Variants in KLF15 observed in about 807,000 individuals in gnomAD.
KLF15 encodes the protein KLF transcription factor 15.
Under a neutral mutation model 24.6 loss-of-function variants are expected in KLF15, and 4 were observed. The ratio of observed to expected loss-of-function variants is 0.16; its 90% CI spans 0.08 to 0.37. KLF15 has a LOEUF of 0.37. Among genes scored for constraint, KLF15 ranks in the 10% least tolerant of loss-of-function variants. The probability of loss-of-function intolerance (pLI) is 1.00; values close to 1 mark genes in which losing one functional copy is unlikely to be tolerated. For synonymous variants in KLF15, 246 were observed against 236.3 expected, an observed-to-expected ratio of 1.04 and a Z score of -0.37; for missense variants, 496 against 560.6, an observed-to-expected ratio of 0.88 and a Z score of 1.16.
At chr3:126,346,527 C>T (rs2107552650) in intron 2 of KLF15, among the ~76,000 whole-genome samples, 1 of 152,318 alleles carries the variant, frequency 6.6e-6, no homozygotes, top group South Asian at 2.1e-4. Context: ...CCTTCCAAGA[C>T]TCATCTCAAA....
chr3:126,303,294 T>C, the KLF15 span, among the ~76,000 whole-genome samples: 1 of 152,026 alleles, frequency 6.6e-6, no homozygotes, highest in Non-Finnish European at 1.5e-5. Flanking sequence ...ATTTTCCTTC[T>C]GCCTGAAGGA....
the KLF15 span, among the ~76,000 whole-genome samples, chr3:126,303,029 A>G: frequency 2.0e-5 from 3 of 151,954 alleles, no homozygotes; most frequent in Non-Finnish European, 4.4e-5. Context: ...GCTTATATCT[A>G]TAACTGTTAT....
At chr3:126,341,699 C>T (rs1477555972), downstream of KLF15, among the ~76,000 whole-genome samples, 2 of 152,174 alleles carry the variant, frequency 1.3e-5, no homozygotes, top group Non-Finnish European at 2.9e-5. Context: ...ACACAGACCC[C>T]CACATTCAGA....
At chr3:126,340,573 T>C (rs1021215948), downstream of KLF15, among the ~76,000 whole-genome samples, 3 of 152,224 alleles carry the variant, frequency 2.0e-5, no homozygotes, top group Non-Finnish European at 4.4e-5. Flanking sequence ...ACTCATACTC[T>C]ACCTAGTACA....
chr3:126,337,976 G>A (rs2082451496), downstream of KLF15, among the ~76,000 whole-genome samples: 1 of 152,170 alleles, frequency 6.6e-6, no homozygotes, highest in African/African-American at 2.4e-5. Context: ...AGTTTAAATA[G>A]GATGCCCAGT....
chr3:126,343,989 G>C (rs2082509045), intron 2 of KLF15, 94 bp from the exon 3 acceptor site: 1 of 1,336,116 alleles, frequency 7.5e-7, no homozygotes, highest in South Asian at 1.5e-5. Context: ...CGTGCACCTG[G>C]CACTCACCCA....
the KLF15 span, among the ~76,000 whole-genome samples, chr3:126,301,761 C>A: frequency 6.6e-6 from 1 of 151,560 alleles, no homozygotes; most frequent in Non-Finnish European, 1.5e-5. Context: ...ATTACAGGCG[C>A]CCGCCACCAT....
the KLF15 span, among the ~76,000 whole-genome samples, chr3:126,311,805 C>T: frequency 6.6e-6 from 1 of 152,220 alleles, no homozygotes; most frequent in African/African-American, 2.4e-5. Flanking sequence ...AGCTTCCTTC[C>T]TGCCTCCTAA....
the KLF15 span, among the ~76,000 whole-genome samples, chr3:126,322,514 C>T: frequency 6.6e-6 from 1 of 152,182 alleles, no homozygotes. Context: ...TACGCTGGAT[C>T]CACCAGATAA....
the KLF15 span, among the ~76,000 whole-genome samples, chr3:126,291,628 G>A: frequency 6.6e-6 from 1 of 152,206 alleles, no homozygotes; most frequent in Admixed American, 6.5e-5. Context: ...ACTCTCCCAG[G>A]TGGCTGCGTC....
Position 126,343,634 on chromosome 3 carries a change from G to T in KLF15, c.*93C>A. The T allele has an allele frequency of 1.6e-6, 2 of 1,277,326 alleles. No homozygotes were observed. Among genetic ancestry groups the T allele is most frequent in the Non-Finnish European group, 1.1e-6 (1 of 910,714 alleles). 79.1% of individuals were successfully genotyped at this position (1,277,326 alleles called of 1,614,324 possible). A position where few individuals can be genotyped will look rare whatever the true frequency, so the allele number is the denominator to read the frequency against. ...GAAGGTGGGCTGGTAACATTGCCAT[G>T]TCCCTCTGGAGGAGGCAAATAAATT... On this transcript the variant is annotated 3_prime_UTR_variant, in exon 3 of 3. Transcript: ENST00000296233.
the KLF15 span, among the ~76,000 whole-genome samples, chr3:126,309,792 A>T: frequency 4.6e-5 from 7 of 152,170 alleles, no homozygotes; most frequent in South Asian, 2.1e-4. Flanking sequence ...GATCCTGGTG[A>T]CTCTTATAGC....
chr3:126,290,792 T>C, the KLF15 span: 1 of 152,224 alleles, frequency 6.6e-6, no homozygotes, highest in East Asian at 1.9e-4. Flanking sequence ...CTTTACATAT[T>C]ATTTGGCCAT....
At chr3:126,331,601 G>T in the KLF15 span, among the ~76,000 whole-genome samples, 1 of 152,202 alleles carries the variant, frequency 6.6e-6, no homozygotes, top group African/African-American at 2.4e-5. Context: ...AAAATGTCTA[G>T]TGGGGGGGAG....
At chr3:126,350,808 T>C (rs1182881596) in intron 2 of KLF15, among the ~76,000 whole-genome samples, 1 of 152,252 alleles carries the variant, frequency 6.6e-6, no homozygotes, top group Non-Finnish European at 1.5e-5. Flanking sequence ...ACACACCTGC[T>C]GGCGAGGCCC....
At position 126,352,624 on chromosome 3, in the gene KLF15, C is replaced by T. The variant is rs562419481; in HGVS notation, c.299G>A (p.Ser100Asn). 5.0e-6 allele frequency: 8 copies of T among 1,603,162 alleles called. No homozygotes were observed. The Admixed American group carries it at 8.5e-5, about 17-fold the overall frequency. ...CCAGGGCCCCCAGGCCACGGGGCCA[C>T]TGCTGGCCCCAATGCTACTGCCGCT... ...GGSGSSIGAS[S>N]GPVAWGPWRR... The change falls in exon 2 of 3, where the codon AGT becomes AAT. Residue 100 changes from serine to asparagine, a missense_variant. Physicochemically the swap from Ser to Asn is conservative, Grantham distance 46. This residue lies in a region of KLF15 where 399 missense variants were observed against 423.1 expected (regional missense o/e 0.94). Coordinates refer to ENST00000296233, the MANE Select transcript of KLF15 (RefSeq NM_014079.4).
chr3:126,309,371 G>T, the KLF15 span, among the ~76,000 whole-genome samples: 1 of 152,208 alleles, frequency 6.6e-6, no homozygotes, highest in African/African-American at 2.4e-5. Context: ...AATTAAGGAA[G>T]TGGGTGGCAG....
intron 1 of KLF15, 54 bp from the exon 2 acceptor site, chr3:126,353,001 C>G (rs1373653802): frequency 1.3e-6 from 2 of 1,512,612 alleles, no homozygotes; most frequent in Non-Finnish European, 1.8e-6. Flanking sequence ...TCACCTGCCA[C>G]CTCGCAGGCC....
At chr3:126,315,898 A>G in the KLF15 span, among the ~76,000 whole-genome samples, 2 of 152,326 alleles carry the variant, frequency 1.3e-5, no homozygotes, top group South Asian at 4.1e-4. Flanking sequence ...TATGTGGAAA[A>G]GAGGGGTCAA....
Sources: allele counts gnomAD v4.1 joint callset (sites outside exome capture counted in the v4.1 genomes callset), GRCh38; gene constraint gnomAD v4.1.1; regional missense constraint gnomAD v4.1.1; transcripts MANE v1.5; gene names NCBI Gene and HGNC (gene_info 2026-07-23, HGNC 2026-07-21).